Variants in TBC1D5 observed in about 807,000 individuals in gnomAD.
TBC1D5 encodes TBC1 domain family member 5.
In TBC1D5, 75 loss-of-function variants were observed where a neutral mutation model predicts 100.3. The observed-to-expected ratio is 0.75, with a 90% confidence interval of 0.62 to 0.91. TBC1D5 has a LOEUF of 0.91. TBC1D5 is among the 40% of genes least tolerant of loss of function. The pLI is 0.00. For synonymous variants in TBC1D5, 323 were observed against 325.6 expected (o/e 0.99, Z 0.09); for missense variants, 910 against 942.4 (o/e 0.97, Z 0.45).
chr3:17,287,956 C>T lies in TBC1D5; in HGVS notation c.1245+3939G>A, dbSNP rs188282184. Among the ~76,000 whole-genome samples, 64 of 152,302 alleles carry T rather than the reference C, an allele frequency of 4.2e-4. 1 individual carries two copies. In the East Asian group the frequency reaches 8.1e-3, roughly 19 times the overall value. On this transcript the variant is annotated intron_variant, in intron 15 of 21. Transcript: ENST00000253692. ...ACTAGGAAATGGGAAAGAATGCTTT[C>T]ATGTCTCAAATCTCATCTTTCTACT...
At chr3:17,565,366 TA>T (rs1298026202) in intron 2 of TBC1D5, among the ~76,000 whole-genome samples, 1 of 152,144 alleles carries the variant, frequency 6.6e-6, no homozygotes, top group Middle Eastern at 3.2e-3. Context: ...TACATTTTCC[TA>T]AATATTTTTC....
At chr3:17,565,301 G>A (rs1204951782) in intron 2 of TBC1D5, among the ~76,000 whole-genome samples, 1 of 152,082 alleles carries the variant, frequency 6.6e-6, no homozygotes, top group African/African-American at 2.4e-5. Flanking sequence ...AGGAGTATCA[G>A]TTAATTATGT....
intron 3 of TBC1D5, among the ~76,000 whole-genome samples, chr3:17,464,848 C>T (rs1443210200): frequency 6.7e-6 from 1 of 150,230 alleles, no homozygotes; most frequent in African/African-American, 2.5e-5. Context: ...TTCTATATTT[C>T]AAAAAGTTTT....
chr3:17,336,002 A>G (rs896763937), intron 13 of TBC1D5, among the ~76,000 whole-genome samples: 42 of 152,150 alleles, frequency 2.8e-4, no homozygotes, highest in African/African-American at 9.2e-4. Flanking sequence ...CTGAATTTCA[A>G]TGCATATAGC....
At chr3:17,442,837 G>A (rs1010595061) in intron 3 of TBC1D5, among the ~76,000 whole-genome samples, 1 of 152,046 alleles carries the variant, frequency 6.6e-6, no homozygotes, top group African/African-American at 2.4e-5. Flanking sequence ...GGAACAGCAG[G>A]AGAGTTGGTA....
intron 3 of TBC1D5, among the ~76,000 whole-genome samples, chr3:17,470,075 T>C (rs1177346325): frequency 3.9e-5 from 6 of 152,212 alleles, no homozygotes; most frequent in Admixed American, 3.9e-4. Context: ...CTTCATAATC[T>C]GTCACCATAG....
chr3:17,337,131 T>TG (rs2088009475), intron 13 of TBC1D5, among the ~76,000 whole-genome samples: 1 of 150,540 alleles, frequency 6.6e-6, no homozygotes, highest in African/African-American at 2.5e-5. Context: ...AGGTTTTTTT[T>TG]TTTTTTTTTT....
At chr3:17,337,286 G>A (rs2088055844) in intron 13 of TBC1D5, 1 of 151,956 alleles carries the variant, frequency 6.6e-6, no homozygotes, top group Non-Finnish European at 1.5e-5. Flanking sequence ...CTGCTCTAAA[G>A]GTAGACACCA....
At chr3:17,388,271 G>A (rs894114227) in intron 8 of TBC1D5, among the ~76,000 whole-genome samples, 2 of 151,928 alleles carry the variant, frequency 1.3e-5, no homozygotes, top group Non-Finnish European at 2.9e-5. Context: ...AACATGTGGT[G>A]TGTAAGTTTT....
At chr3:17,216,791 A>G (rs1328311783) in intron 17 of TBC1D5, among the ~76,000 whole-genome samples, 1 of 152,088 alleles carries the variant, frequency 6.6e-6, no homozygotes, top group Non-Finnish European at 1.5e-5. Context: ...GGAACCACCT[A>G]TTATTTTCTT....
At chr3:17,718,931 A>G (rs953813041) in intron 1 of TBC1D5, among the ~76,000 whole-genome samples, 2 of 152,192 alleles carry the variant, frequency 1.3e-5, no homozygotes, top group Non-Finnish European at 2.9e-5. Flanking sequence ...TTTCACCACT[A>G]CATACCGAAA....
At chr3:17,436,520 C>T (rs906612375) in intron 3 of TBC1D5, among the ~76,000 whole-genome samples, 1 of 152,060 alleles carries the variant, frequency 6.6e-6, no homozygotes, top group Non-Finnish European at 1.5e-5. Flanking sequence ...AGCATTATTT[C>T]TGAAAAACTT....
chr3:17,343,784 G>A (rs931863359), intron 13 of TBC1D5, among the ~76,000 whole-genome samples: 14 of 152,126 alleles, frequency 9.2e-5, no homozygotes, highest in African/African-American at 2.7e-4. Context: ...TCTGATGGTA[G>A]GTTGTATTTC....
At chr3:17,203,610 A>C (rs2071765860) in intron 18 of TBC1D5, among the ~76,000 whole-genome samples, 1 of 152,126 alleles carries the variant, frequency 6.6e-6, no homozygotes, top group African/African-American at 2.4e-5. Context: ...AGGTGACTGG[A>C]TCATGAGGTG....
At chr3:17,695,935 T>C (rs2071989645) in intron 1 of TBC1D5, among the ~76,000 whole-genome samples, 1 of 152,172 alleles carries the variant, frequency 6.6e-6, no homozygotes, top group South Asian at 2.1e-4. Flanking sequence ...CAACTCAGGA[T>C]TAAGAGAGTC....
chr3:17,385,188 G>C (rs978449874), intron 8 of TBC1D5, among the ~76,000 whole-genome samples: 1 of 151,962 alleles, frequency 6.6e-6, no homozygotes, highest in Non-Finnish European at 1.5e-5. Flanking sequence ...CACCAAGAAC[G>C]GTGCCTAACA....
chr3:17,253,598 C>A (rs751657203), intron 16 of TBC1D5, among the ~76,000 whole-genome samples: 4 of 152,132 alleles, frequency 2.6e-5, no homozygotes, highest in Non-Finnish European at 5.9e-5. Context: ...CTAGAATGAA[C>A]ATTTCTATTA....
At chr3:17,665,336 C>G (rs1317370719) in intron 1 of TBC1D5, among the ~76,000 whole-genome samples, 1 of 152,184 alleles carries the variant, frequency 6.6e-6, no homozygotes, top group African/African-American at 2.4e-5. Flanking sequence ...GACTCAGTGT[C>G]TCGCTCATAT....
chr3:17,673,175 G>T (rs77443246), intron 1 of TBC1D5, among the ~76,000 whole-genome samples: 6,296 of 152,136 alleles, frequency 0.041, 152 homozygotes, highest in African/African-American at 0.062. Flanking sequence ...AAACAGGAAA[G>T]ATATAAACCA....
Sources: gnomAD v4.1 joint callset for allele counts (sites outside exome capture counted in the v4.1 genomes callset) on GRCh38, gnomAD v4.1.1 for gene constraint, MANE v1.5 for transcripts, NCBI Gene and HGNC (gene_info 2026-07-23, HGNC 2026-07-21) for gene names.